C8orf74: variants seen among roughly 807,000 people sequenced by gnomAD.
C8orf74 encodes the protein chromosome 8 open reading frame 74.
In C8orf74, 29 loss-of-function variants were observed where a neutral mutation model predicts 22.2. The ratio of observed to expected loss-of-function variants is 1.31; its 90% CI spans 0.97 to 1.78. The LOEUF is 1.78. C8orf74 is among the 40% of genes most tolerant of loss of function. The pLI, the probability that C8orf74 is intolerant of heterozygous loss-of-function variation, is 0.00. For missense variants in C8orf74, 515 were observed against 369.9 expected, an observed-to-expected ratio of 1.39 and a Z score of -3.22; for synonymous variants, 255 against 163.1, an observed-to-expected ratio of 1.56 and a Z score of -4.30.
rs1034090868 is a variant in C8orf74, at chr8:10,697,874, G to C, written c.517G>C (p.Glu173Gln). The C allele has an allele frequency of 6.2e-7, 1 of 1,612,988 alleles. No homozygotes were observed. Among genetic ancestry groups the C allele is most frequent in the Admixed American group, 1.7e-5 (1 of 60,016 alleles). The part of the protein sequence containing the change: ...IHEQQVATLT[E>Q]AEAQKRADVL... ...CGAGCAGCAGGTGGCCACACTGACG[G>C]AGGCCGAGGCACAGAAGCGCGCCGA... is the stretch of plus-strand genomic sequence containing the variant. Residue 173 changes from glutamate to glutamine, a missense_variant, in exon 3 of 4, where the codon GAG becomes CAG. By Grantham distance (29) the Glu-to-Gln change is conservative. Transcript: ENST00000304519.
At position 10,697,715 on chromosome 8, in the gene C8orf74, C is replaced by A; in HGVS notation, c.358C>A (p.Arg120Ser). ...LCDYFHHTFI[R>S]HYKLYQYVLG... The stretch of plus-strand genomic sequence containing the variant: ...TGACTACTTCCACCACACCTTCATC[C>A]GCCACTACAAACTCTACCAGTATGT... Residue 120 changes from arginine to serine, a missense_variant, in exon 3 of 4, where the codon CGC becomes AGC. Physicochemically the swap from Arg to Ser is moderately radical, Grantham distance 110 (BLOSUM62 -1). Coordinates refer to ENST00000304519, the MANE Select transcript of C8orf74 (RefSeq NM_001040032.2). The A allele has an allele frequency of 1.9e-6, 3 of 1,614,040 alleles. No individual in the cohort carries two copies. The highest frequency in any genetic ancestry group is 2.5e-6 in the Non-Finnish European group (3 of 1,179,896).
At chr8:10,699,141 G>A (rs770080928) in intron 3 of C8orf74, among the ~76,000 whole-genome samples, 3 of 152,308 alleles carry the variant, frequency 2.0e-5, no homozygotes, top group Admixed American at 6.5e-5. Flanking sequence ...ACGGAGCAGG[G>A]TGGGGCATGG....
At chr8:10,673,005 G>A (rs945285127) in intron 1 of C8orf74, among the ~76,000 whole-genome samples, 5 of 152,166 alleles carry the variant, frequency 3.3e-5, no homozygotes, top group South Asian at 2.1e-4. Flanking sequence ...AGGGTCCTGC[G>A]AGCCACTGTG....
intron 2 of C8orf74, among the ~76,000 whole-genome samples, chr8:10,685,519 C>T (rs1286335756): frequency 6.6e-6 from 1 of 152,122 alleles, no homozygotes; most frequent in Admixed American, 6.6e-5. Context: ...GAAGACATTA[C>T]GTTACGTGAA....
intron 2 of C8orf74, among the ~76,000 whole-genome samples, chr8:10,686,348 C>T (rs1799262242): frequency 2.6e-5 from 4 of 152,266 alleles, no homozygotes; most frequent in South Asian, 2.1e-4. Context: ...TGTCAAATAC[C>T]TATTTCATAG....
At chr8:10,697,518 C>T (rs1221233830) in intron 2 of C8orf74, 81 bp from the exon 3 acceptor site, 7 of 1,223,676 alleles carry the variant, frequency 5.7e-6, no homozygotes, top group African/African-American at 1.5e-5. Context: ...ACCAGGCTGT[C>T]GGGGTGCAGA....
At chr8:10,696,426 C>A (rs1202909531) in intron 2 of C8orf74, among the ~76,000 whole-genome samples, 11 of 129,068 alleles carry the variant, frequency 8.5e-5, no homozygotes, top group African/African-American at 3.9e-4. Flanking sequence ...TTTTTCTTTT[C>A]TTTTCTTTTC....
At chr8:10,681,024 G>A (rs1399315399) in intron 2 of C8orf74, among the ~76,000 whole-genome samples, 1 of 151,654 alleles carries the variant, frequency 6.6e-6, no homozygotes. Context: ...TGGAGCTAAG[G>A]ATGGTTGCAT....
chr8:10,679,691 C>T (rs1462632660), intron 2 of C8orf74, among the ~76,000 whole-genome samples: 1 of 152,226 alleles, frequency 6.6e-6, no homozygotes, highest in African/African-American at 2.4e-5. Flanking sequence ...CAGCCACGGC[C>T]TGGCTGCCTC....
intron 2 of C8orf74, among the ~76,000 whole-genome samples, chr8:10,685,558 G>A (rs568428369): frequency 7.2e-5 from 11 of 152,222 alleles, no homozygotes; most frequent in South Asian, 2.1e-4. Context: ...AATAAATATC[G>A]TATGAGTCCG....
chr8:10,680,586 T>C (rs1306994773), intron 2 of C8orf74, among the ~76,000 whole-genome samples: 2 of 152,212 alleles, frequency 1.3e-5, no homozygotes, highest in Non-Finnish European at 2.9e-5. Flanking sequence ...CCCTTTCTTG[T>C]CTTGCCTTCA....
chr8:10,687,209 C>A (rs1026554167), intron 2 of C8orf74: 1 of 431,096 alleles, frequency 2.3e-6, no homozygotes. Flanking sequence ...GTGGAAAGCA[C>A]CACATATGCA....
Position 10,697,936 on chromosome 8 carries a change from G to T in C8orf74, c.579G>T (p.Arg193=). 1 of 1,584,284 alleles carries T rather than the reference G, an allele frequency of 6.3e-7. No homozygotes were observed. ...TGAAAGAGGCGCTGCGCCTGGAGCG[G>T]GAGAACTCGCTGCAGAAGGCGTTCG... ...LLLKEALRLE[R]ENSLQKAFAA... The change falls in exon 3 of 4, where the codon CGG becomes CGT. Residue 193 remains arginine (R), a synonymous_variant. Transcript: ENST00000304519.
chr8:10,687,037 G>T, intron 2 of C8orf74: 1 of 454,002 alleles, frequency 2.2e-6, no homozygotes, highest in Non-Finnish European at 4.4e-6. Flanking sequence ...CCAGTCTCCA[G>T]GGTTATAGTC....
Position 10,700,344 on chromosome 8 carries a change from A to C in C8orf74, c.758A>C (p.Gln253Pro). 6.2e-7 allele frequency: 1 copy of C among 1,613,842 alleles called. No individual in the cohort carries two copies. Among genetic ancestry groups the C allele is most frequent in the Admixed American group, 1.7e-5 (1 of 60,014 alleles). Residue 253 changes from glutamine (Q) to proline (P), a missense_variant, in exon 4 of 4, where the codon CAG becomes CCG. Coordinates refer to ENST00000304519, the MANE Select transcript of C8orf74 (RefSeq NM_001040032.2). ...TTCGCCATCTTGGACCTGAAGCTTC[A>C]GAAGAAGACTCTGAACCTCAACGCC... Reference protein sequence around the residue: ...NTFAILDLKLQKKTLNLNAPT... With the variant: ...NTFAILDLKLPKKTLNLNAPT...
chr8:10,679,179 A>C (rs1563155789), intron 2 of C8orf74, among the ~76,000 whole-genome samples: 1 of 152,088 alleles, frequency 6.6e-6, no homozygotes, highest in Non-Finnish European at 1.5e-5. Context: ...TCCACTTCAC[A>C]GGCTTGTTGA....
At chr8:10,685,028 T>C (rs1459897610) in intron 2 of C8orf74, among the ~76,000 whole-genome samples, 1 of 152,234 alleles carries the variant, frequency 6.6e-6, no homozygotes. Flanking sequence ...CGGAGCAAGA[T>C]GACCCAGATT....
chr8:10,689,279 TCA>T (rs1307726059), intron 2 of C8orf74: 2 of 152,222 alleles, frequency 1.3e-5, no homozygotes, highest in African/African-American at 2.4e-5. Flanking sequence ...TTTCTGGGCC[TCA>T]GTTTCCCCAT....
chr8:10,700,246 C>T lies in C8orf74; in HGVS notation c.660C>T (p.Ser220=). The T allele has an allele frequency of 6.3e-7, 1 of 1,597,664 alleles. No individual in the cohort carries two copies. Among genetic ancestry groups the T allele is most frequent in the Non-Finnish European group, 8.6e-7 (1 of 1,167,922 alleles). ...GQVLERQELE[S]LICQAVHTQM... ...CCCTTTCCTTCCAGGAGTTGGAGAG[C>T]CTCATCTGCCAGGCAGTCCACACCC... Residue 220 remains serine (S), a synonymous_variant, in exon 4 of 4, where the codon AGC becomes AGT. Transcript: ENST00000304519.
Sources: allele counts gnomAD v4.1 joint callset (sites outside exome capture counted in the v4.1 genomes callset), GRCh38; gene constraint gnomAD v4.1.1; transcripts MANE v1.5; gene names NCBI Gene and HGNC (gene_info 2026-07-23, HGNC 2026-07-21).